DLGAP1: variants seen among roughly 807,000 people sequenced by gnomAD.
The protein encoded by DLGAP1 is DLG associated protein 1, also known as disks large-associated protein 1.
DLGAP1 carries 11 observed loss-of-function variants against 90.8 expected under a neutral mutation model. The observed-to-expected ratio is 0.12, with a 90% CI of 0.08 to 0.20. The LOEUF (loss-of-function observed/expected upper bound fraction) is 0.20, where lower values mean the gene tolerates loss of function less well. Ranked by LOEUF, DLGAP1 falls within the 10% of genes least tolerant of loss-of-function variation. The pLI is 1.00. For synonymous variants in DLGAP1, 558 were observed against 540.7 expected, an observed-to-expected ratio of 1.03 and a Z score of -0.44; for missense variants, 1,050 against 1,333.8, an observed-to-expected ratio of 0.79 and a Z score of 3.31.
At chr18:4,228,007 G>A (rs1458310875) in intron 1 of DLGAP1, among the ~76,000 whole-genome samples, 1 of 151,512 alleles carries the variant, frequency 6.6e-6, no homozygotes, top group Non-Finnish European at 1.5e-5. Context: ...AATTAGAAAT[G>A]GAAAAGGAGA....
intron 6 of DLGAP1, among the ~76,000 whole-genome samples, chr18:3,741,042 C>CTCACCACCACCACCA (rs2062920659): frequency 1.5e-5 from 1 of 66,340 alleles, no homozygotes; most frequent in African/African-American, 5.9e-5. Flanking sequence ...CCACCATCAC[C>CTCACCACCACCACCA]TCACCACCAC....
At chr18:3,545,334 T>C (rs1183013685) in intron 9 of DLGAP1, among the ~76,000 whole-genome samples, 1 of 151,860 alleles carries the variant, frequency 6.6e-6, no homozygotes, top group Non-Finnish European at 1.5e-5. Context: ...CCCAAAGAAG[T>C]ATTTTTCAAA....
intron 5 of DLGAP1, among the ~76,000 whole-genome samples, chr18:3,771,617 A>G (rs2064554955): frequency 6.6e-6 from 1 of 152,226 alleles, no homozygotes; most frequent in African/African-American, 2.4e-5. Flanking sequence ...CTTCCAGGAA[A>G]TCCTGAGCGA....
At chr18:4,190,751 A>C (rs1427314779) in intron 1 of DLGAP1, among the ~76,000 whole-genome samples, 1 of 152,060 alleles carries the variant, frequency 6.6e-6, no homozygotes, top group African/African-American at 2.4e-5. Flanking sequence ...TTTTCCAATG[A>C]GTTCTTGTGT....
In DLGAP1 at chr18:3,879,604, CAGGGA is replaced by C; in HGVS notation, c.460_464del (p.Ser154GlyfsTer16). On this transcript the variant is annotated frameshift_variant, in exon 4 of 13. Coordinates refer to ENST00000315677, the MANE Select transcript of DLGAP1 (RefSeq NM_004746.4). LOFTEE classifies it high-confidence loss of function. This position sits in a 1 kb window ranked among gnomAD's most constrained non-coding sequence, Gnocchi z 6.6. ...TGACGCTGCCCTTGGACGGCCCCTC[CAGGGA>C]GTGCGACTTGGTGAAGAGCTTCTGG... is the stretch of plus-strand genomic sequence containing the variant. 6.2e-7 allele frequency: 1 copy of C among 1,602,862 alleles called. No homozygotes were observed.
intron 5 of DLGAP1, among the ~76,000 whole-genome samples, chr18:3,784,757 G>A (rs2065368493): frequency 6.6e-6 from 1 of 152,178 alleles, no homozygotes; most frequent in South Asian, 2.1e-4. Flanking sequence ...ATTTTATTTT[G>A]TTAAAAACTG....
At chr18:3,894,371 T>A (rs569332459) in intron 3 of DLGAP1, among the ~76,000 whole-genome samples, 1 of 152,330 alleles carries the variant, frequency 6.6e-6, no homozygotes, top group Non-Finnish European at 1.5e-5. Context: ...CTTTAAGCCA[T>A]CTTGAGTTAA....
At chr18:3,812,681 G>T (rs920304106) in intron 5 of DLGAP1, among the ~76,000 whole-genome samples, 2 of 152,158 alleles carry the variant, frequency 1.3e-5, no homozygotes, top group African/African-American at 4.8e-5. Flanking sequence ...ATCCAGAATT[G>T]TTCCACATGA....
In DLGAP1 at chr18:3,798,936, C is replaced by G. The variant is rs184889900; in HGVS notation, c.1172+15123G>C. 3.1e-4 allele frequency among the ~76,000 whole-genome samples: 47 copies of G among 151,882 alleles called. No individual in the cohort carries two copies. The East Asian group carries it at 6.4e-3, about 21-fold the overall frequency. On this transcript the variant is annotated intron_variant, in intron 5 of 12. Transcript: ENST00000315677. ...TTGCCCAGGCTGGAGTGCAGTGGTGCAATCTCGGCTCACTGCAAACTCCAC... is the reference window on the plus strand; with the variant it reads ...TTGCCCAGGCTGGAGTGCAGTGGTGGAATCTCGGCTCACTGCAAACTCCAC...
chr18:3,667,330 C>A (rs60621133), intron 7 of DLGAP1, among the ~76,000 whole-genome samples: 8 of 152,178 alleles, frequency 5.3e-5, no homozygotes, highest in African/African-American at 1.9e-4. Context: ...CCACCTGCCT[C>A]GGCCTCACAG....
At chr18:3,697,945 T>C (rs1320874495) in intron 7 of DLGAP1, among the ~76,000 whole-genome samples, 6 of 152,220 alleles carry the variant, frequency 3.9e-5, no homozygotes, top group Non-Finnish European at 7.3e-5. Context: ...GTAATGCCCT[T>C]CTTAGTCTTT....
intron 3 of DLGAP1, among the ~76,000 whole-genome samples, chr18:3,904,290 A>G (rs781053624): frequency 8.5e-5 from 13 of 152,230 alleles, no homozygotes; most frequent in Non-Finnish European, 1.5e-4. Context: ...GTGCAAGATC[A>G]GGTCTAGACG....
At chr18:3,926,429 C>A (rs1172698308) in intron 3 of DLGAP1, among the ~76,000 whole-genome samples, 1 of 147,260 alleles carries the variant, frequency 6.8e-6, no homozygotes, top group African/African-American at 2.5e-5. Flanking sequence ...TATACACACA[C>A]ACACACACAC....
chr18:3,880,628 G>T (rs2148827277), intron 3 of DLGAP1, among the ~76,000 whole-genome samples: 1 of 152,218 alleles, frequency 6.6e-6, no homozygotes, highest in South Asian at 2.1e-4. Flanking sequence ...AGGGAGAGAA[G>T]GTGGAGGTAA....
rs140717868 is a variant in DLGAP1 at position 3,547,239 on chromosome 18, C to T, written c.2058-12624G>A. ...TGGCTTGAACCCCCGGGGGCGGAGC[C>T]TGCAGCAAGCCGAGATCGCGCCACT... On this transcript the variant is annotated intron_variant, in intron 9 of 12. Transcript: ENST00000315677. Among the ~76,000 whole-genome samples the T allele has an allele frequency of 4.8e-3, 700 of 145,304 alleles. 8 individuals carry two copies. Among genetic ancestry groups the T allele is most frequent in the African/African-American group, 0.016 (626 of 38,576 alleles).
chr18:3,668,841 T>C (rs750738008), intron 7 of DLGAP1, among the ~76,000 whole-genome samples: 3 of 151,894 alleles, frequency 2.0e-5, no homozygotes, highest in Non-Finnish European at 2.9e-5. Flanking sequence ...CTACTAAAAA[T>C]ACAAAAATTA....
intron 4 of DLGAP1, 88 bp from the exon 5 acceptor site, chr18:3,814,361 AT>A (rs372490602): frequency 0.16 from 136,126 of 851,394 alleles, 651 homozygotes; most frequent in African/African-American, 0.28. Context: ...TAACATTTCT[AT>A]TTTTTTTTTT....
intron 1 of DLGAP1, chr18:4,431,040 A>T (rs988470838): frequency 6.5e-6 from 1 of 153,372 alleles, no homozygotes; most frequent in Non-Finnish European, 1.5e-5. Flanking sequence ...ACGGCTCCTA[A>T]CATGTGCCCT....
At chr18:4,405,810 A>G (rs2082650612) in intron 1 of DLGAP1, among the ~76,000 whole-genome samples, 1 of 152,192 alleles carries the variant, frequency 6.6e-6, no homozygotes. Context: ...TTCAGAGAAT[A>G]GACTTGCTAC....
Sources: gnomAD v4.1 joint callset for allele counts (sites outside exome capture counted in the v4.1 genomes callset) on GRCh38, gnomAD v4.1.1 for gene constraint, Gnocchi (gnomAD v3.1) non-coding constraint, MANE v1.5 for transcripts, NCBI Gene and HGNC (gene_info 2026-07-23, HGNC 2026-07-21) for gene names.